The following DGKG variants were observed in gnomAD, a reference collection of about 807,000 sequenced individuals.
DGKG encodes the protein diacylglycerol kinase gamma, also known as DAG kinase gamma.
Under a neutral mutation model 105.3 loss-of-function variants are expected in DGKG, and 78 were observed. The ratio of observed to expected loss-of-function variants is 0.74; its 90% CI spans 0.62 to 0.89. The LOEUF is 0.89. Ranked by LOEUF, DGKG falls within the 40% of genes least tolerant of loss-of-function variation. DGKG has a pLI of 0.00. For synonymous variants in DGKG, 346 were observed against 367.1 expected, an observed-to-expected ratio of 0.94 and a Z score of 0.66; for missense variants, 958 against 1,020.1, an observed-to-expected ratio of 0.94 and a Z score of 0.83.
At chr3:186,236,972 T>G (rs1034168687) in intron 20 of DGKG, among the ~76,000 whole-genome samples, 1 of 152,216 alleles carries the variant, frequency 6.6e-6, no homozygotes, top group African/African-American at 2.4e-5. Flanking sequence ...ACATTAGAAT[T>G]AGGTGGCTTT....
intron 21 of DGKG, among the ~76,000 whole-genome samples, chr3:186,197,384 G>A (rs553600577): frequency 6.6e-6 from 1 of 152,088 alleles, no homozygotes; most frequent in Non-Finnish European, 1.5e-5. Context: ...AAAAGGCAGA[G>A]GGGTGGCTGA....
rs916019954 is a variant in DGKG at position 186,267,545 on chromosome 3, TA to T, written c.1209+139del. 96 of 681,174 alleles carry T rather than the reference TA, an allele frequency of 1.4e-4. No individual in the cohort carries two copies. The African/African-American group carries it at 1.6e-3, about 11-fold the overall frequency. The allele number at this position is 681,174 out of a possible 1,614,324, so 42.2% of individuals were successfully genotyped here. Reference sequence around the variant, plus strand: ...TGTACTCTCTAACCTAAAATAACAGTAAAAAAAGAAAGAAAAGAAAACACAA... The same window carrying T: ...TGTACTCTCTAACCTAAAATAACAGTAAAAAAGAAAGAAAAGAAAACACAA... On this transcript the variant is annotated intron_variant, in intron 13 of 24. Coordinates refer to ENST00000265022, the MANE Select transcript of DGKG (RefSeq NM_001346.3).
At position 186,234,345 on chromosome 3, in the gene DGKG, C is replaced by T. The variant is rs115081796; in HGVS notation, c.1826+8159G>A. Among the ~76,000 whole-genome samples, 690 of 152,338 alleles carry T rather than the reference C, an allele frequency of 4.5e-3. 12 individuals carry two copies. The highest frequency in any genetic ancestry group is 0.015 in the African/African-American group (610 of 41,584). On this transcript the variant is annotated intron_variant, in intron 20 of 24. Transcript: ENST00000265022. ...AAAGCATCCAGACTGTCAACACTCA[C>T]GTTAGGATCCAGCCAGTTCCTACCT...
intron 21 of DGKG, among the ~76,000 whole-genome samples, chr3:186,193,659 G>A (rs907897455): frequency 2.6e-5 from 4 of 152,212 alleles, no homozygotes; most frequent in African/African-American, 9.6e-5. Flanking sequence ...CAGCCGTGCC[G>A]TCTGGGAAAG....
intron 16 of DGKG, among the ~76,000 whole-genome samples, 198 bp downstream of exon 16, chr3:186,260,237 TCAAA>T (rs1475798722): frequency 7.2e-5 from 11 of 152,074 alleles, no homozygotes; most frequent in Non-Finnish European, 1.5e-4. Flanking sequence ...AGGCCACTTC[TCAAA>T]CAGAGTTAGC....
chr3:186,271,767 C>T (rs193095784), intron 11 of DGKG, among the ~76,000 whole-genome samples: 22 of 152,266 alleles, frequency 1.4e-4, no homozygotes, highest in Admixed American at 7.8e-4. Context: ...GTATGAATCC[C>T]GGAATAAGCC....
intron 20 of DGKG, among the ~76,000 whole-genome samples, chr3:186,238,906 C>T (rs1204220435): frequency 6.6e-6 from 1 of 152,190 alleles, no homozygotes; most frequent in Non-Finnish European, 1.5e-5. Flanking sequence ...GAAACCCCAA[C>T]ATTTGAGTCA....
Position 186,257,883 on chromosome 3 carries a change from C to T in DGKG, c.1481G>A (p.Gly494Glu), listed in dbSNP as rs1290484892. The change falls in exon 17 of 25, where the codon GGG becomes GAG. Residue 494 changes from glycine (G) to glutamate (E), a missense_variant. Coordinates refer to ENST00000265022, the MANE Select transcript of DGKG (RefSeq NM_001346.3). The part of the protein sequence containing the change: ...DFRVLACGGD[G>E]TVGWILDCID... The stretch of plus-strand genomic sequence containing the variant: ...GCAATCCAAAATCCAGCCAACTGTC[C>T]CATCTCCACCACAGGCCAAAACACG... 6.2e-7 allele frequency: 1 copy of T among 1,613,956 alleles called. No homozygotes were observed. Among genetic ancestry groups the T allele is most frequent in the Non-Finnish European group, 8.5e-7 (1 of 1,179,994 alleles).
intron 3 of DGKG, among the ~76,000 whole-genome samples, chr3:186,302,992 G>A (rs1243515679): frequency 6.6e-6 from 1 of 152,048 alleles, no homozygotes; most frequent in African/African-American, 2.4e-5. Flanking sequence ...ATTCAGTGAT[G>A]AGCCCCAGCG....
intron 20 of DGKG, among the ~76,000 whole-genome samples, chr3:186,232,122 A>T (rs1409660921): frequency 1.3e-5 from 2 of 152,246 alleles, no homozygotes; most frequent in Non-Finnish European, 1.5e-5. Context: ...CATCTGAAAT[A>T]GTTATTTCAA....
chr3:186,228,594 C>A (rs542545461), intron 20 of DGKG, among the ~76,000 whole-genome samples: 6 of 152,214 alleles, frequency 3.9e-5, no homozygotes, highest in Non-Finnish European at 8.8e-5. Flanking sequence ...TTTCACTCCA[C>A]CCGGGAACCT....
At chr3:186,179,739 C>A (rs1241233836) in intron 22 of DGKG, among the ~76,000 whole-genome samples, 1 of 152,206 alleles carries the variant, frequency 6.6e-6, no homozygotes, top group Non-Finnish European at 1.5e-5. Flanking sequence ...TCTGCGGAAA[C>A]AGACCACAGC....
Position 186,231,853 on chromosome 3 carries a change from G to A in DGKG, c.1826+10651C>T, listed in dbSNP as rs900944167. ...GGAGAATTGCTTGAACCCTGAAGGC[G>A]GCCATGTCAGTGAGCCGAGATAGAG... On this transcript the variant is annotated intron_variant, in intron 20 of 24. Transcript: ENST00000265022. The surrounding 1 kb of genome is among the most constrained non-coding windows in gnomAD (Gnocchi z 4.5). Among the ~76,000 whole-genome samples the A allele has an allele frequency of 1.3e-5, 2 of 152,132 alleles. No homozygotes were observed. The highest frequency in any genetic ancestry group is 2.9e-5 in the Non-Finnish European group (2 of 68,034).
rs781452767 is a variant in DGKG, at chr3:186,284,755, G to A, written c.545-46C>T. The A allele has an allele frequency of 1.4e-5, 21 of 1,535,136 alleles. No individual in the cohort carries two copies. The highest frequency in any genetic ancestry group is 2.7e-5 in the African/African-American group (2 of 73,136). On this transcript the variant is annotated intron_variant, in intron 6 of 24. Coordinates refer to ENST00000265022, the MANE Select transcript of DGKG (RefSeq NM_001346.3). This position sits in a 1 kb window ranked among gnomAD's most constrained non-coding sequence, Gnocchi z 4.0. ...AGCCTTGAGGTGTCCTCTAAGAAGC[G>A]CGGATGGCTGAAGTTTTGATGCTGC...
intron 14 of DGKG, among the ~76,000 whole-genome samples, chr3:186,264,107 C>G (rs1028857631): frequency 1.3e-5 from 2 of 152,188 alleles, no homozygotes; most frequent in African/African-American, 2.4e-5. Context: ...TGCAAGACAA[C>G]CCGATGGCTG....
At chr3:186,268,763 G>T (rs774496854) in intron 12 of DGKG, 38 bp downstream of exon 12, 2 of 1,463,910 alleles carry the variant, frequency 1.4e-6, no homozygotes, top group Admixed American at 1.7e-5. Context: ...GCAAAAAAAC[G>T]TTGAAAAGAA....
chr3:186,181,097 G>A (rs893831517), intron 22 of DGKG, among the ~76,000 whole-genome samples: 5 of 152,326 alleles, frequency 3.3e-5, no homozygotes, highest in Non-Finnish European at 7.3e-5. Flanking sequence ...GGCCTTGCCT[G>A]GGCTCTGGGT....
At chr3:186,340,778 C>CT (rs1163058247) in intron 1 of DGKG, among the ~76,000 whole-genome samples, 1 of 152,124 alleles carries the variant, frequency 6.6e-6, no homozygotes, top group African/African-American at 2.4e-5. Context: ...CTTTATTTAC[C>CT]TTTAGTCTCC....
At chr3:186,255,576 G>A (rs1419603661) in intron 17 of DGKG, among the ~76,000 whole-genome samples, 1 of 152,240 alleles carries the variant, frequency 6.6e-6, no homozygotes, top group East Asian at 1.9e-4. Context: ...ACGCCCAGGG[G>A]TCTGAGAGAT....
Sources: allele counts gnomAD v4.1 joint callset (sites outside exome capture counted in the v4.1 genomes callset), GRCh38; gene constraint gnomAD v4.1.1; non-coding constraint Gnocchi (gnomAD v3.1); transcripts MANE v1.5; gene names NCBI Gene and HGNC (gene_info 2026-07-23, HGNC 2026-07-21).